The following IQSEC1 variants were observed in gnomAD, a reference collection of about 807,000 sequenced individuals.
IQSEC1 encodes IQ motif and Sec7 domain ArfGEF 1.
Under a neutral mutation model 91.0 loss-of-function variants are expected in IQSEC1, and 31 were observed. The observed-to-expected ratio is 0.34, with a 90% CI of 0.26 to 0.46. The LOEUF (loss-of-function observed/expected upper bound fraction) is 0.46. Ranked by LOEUF, IQSEC1 falls within the 20% of genes least tolerant of loss-of-function variation. The probability of loss-of-function intolerance (pLI) is 1.00; values close to 1 mark genes in which losing one functional copy is unlikely to be tolerated. For synonymous variants in IQSEC1, 699 were observed against 662.6 expected (o/e 1.05, Z -0.84); for missense variants, 1,388 against 1,575.6 (o/e 0.88, Z 2.02).
intron 3 of IQSEC1, among the ~76,000 whole-genome samples, chr3:12,927,450 T>G (rs1233926225): frequency 9.2e-5 from 14 of 152,082 alleles, no homozygotes; most frequent in Admixed American, 9.2e-4. Flanking sequence ...CCCACATAGG[T>G]GCATGCTCTA....
At chr3:13,164,019 A>G (rs1693414542) in intron 2 of IQSEC1, among the ~76,000 whole-genome samples, 2 of 152,196 alleles carry the variant, frequency 1.3e-5, no homozygotes, top group Admixed American at 1.3e-4. Flanking sequence ...GGAGACCCGC[A>G]GGGAGAAATC....
chr3:12,941,801 G>T lies in IQSEC1; in HGVS notation c.88C>A (p.Gln30Lys). The part of the protein sequence containing the change: ...TSLDSPSAYP[Q>K]GPLVPGSSLS... ...CTGGAACCGGGCACCAAGGGGCCCT[G>T]GGGGTAGGCTGAGGGGCTGTCCAGG... Residue 30 changes from glutamine to lysine, a missense_variant, in exon 2 of 14, where the codon CAG becomes AAG. By Grantham distance (53) the Gln-to-Lys change is moderately conservative. This residue lies in a region of IQSEC1 where 1,059 missense variants were observed against 1,317.8 expected (regional missense o/e 0.80). Transcript: ENST00000613206. 1 of 1,610,886 alleles carries T rather than the reference G, an allele frequency of 6.2e-7. No homozygotes were observed.
upstream of IQSEC1, among the ~76,000 whole-genome samples, chr3:13,077,034 T>C (rs1173296211): frequency 2.0e-5 from 3 of 149,634 alleles, no homozygotes; most frequent in Non-Finnish European, 3.0e-5. Flanking sequence ...TTCTTTCTTT[T>C]TTTTTTTTTT....
intron 1 of IQSEC1, among the ~76,000 whole-genome samples, chr3:13,029,787 C>A (rs1703773714): frequency 6.6e-6 from 1 of 152,260 alleles, no homozygotes; most frequent in African/African-American, 2.4e-5. Flanking sequence ...CTGGTAAGGA[C>A]TGCAGCACCC....
rs576095157 is a variant in IQSEC1 at position 13,240,442 on chromosome 3, G to A, written c.272+42269C>T. On this transcript the variant is annotated intron_variant, in intron 1 of 15. Transcript: ENST00000648114. ...TGAGGCTCCCCAGGGCTAGGTGGAG[G>A]GCAGGGGAACAGACCAAGCCAACAC... Among the ~76,000 whole-genome samples the A allele has an allele frequency of 7.9e-5, 12 of 152,236 alleles. No individual in the cohort carries two copies. In the South Asian group the frequency reaches 2.5e-3, roughly 32 times the overall value.
At chr3:12,947,473 C>A (rs1339860083) in intron 1 of IQSEC1, among the ~76,000 whole-genome samples, 1 of 151,974 alleles carries the variant, frequency 6.6e-6, no homozygotes, top group African/African-American at 2.4e-5. Context: ...CTCTTCCCCA[C>A]CCCGGGGATC....
At chr3:12,962,005 A>T (rs1700267479) in intron 1 of IQSEC1, among the ~76,000 whole-genome samples, 1 of 152,222 alleles carries the variant, frequency 6.6e-6, no homozygotes, top group Admixed American at 6.5e-5. Flanking sequence ...TGCATCTGCA[A>T]ATGACTACAA....
chr3:13,197,943 G>C (rs867010703), intron 1 of IQSEC1, among the ~76,000 whole-genome samples: 6 of 152,240 alleles, frequency 3.9e-5, no homozygotes, highest in African/African-American at 1.4e-4. Flanking sequence ...CGTGGTGCCC[G>C]CGGCTTGGAT....
chr3:12,913,600 A>C (rs781110678), intron 8 of IQSEC1, 47 bp from the exon 9 acceptor site: 1 of 1,574,838 alleles, frequency 6.3e-7, no homozygotes, highest in South Asian at 1.1e-5. Flanking sequence ...GCTCTCCTCT[A>C]GGAGCCCTGG....
chr3:12,921,037 T>A (rs1044312935), intron 5 of IQSEC1, among the ~76,000 whole-genome samples: 6 of 152,104 alleles, frequency 3.9e-5, no homozygotes, highest in African/African-American at 1.4e-4. Context: ...GGAGAAGCAC[T>A]CTGCCTTGTC....
Position 13,170,197 on chromosome 3 carries a change from T to C in IQSEC1, c.273-6064A>G, listed in dbSNP as rs566715577. On this transcript the variant is annotated intron_variant, in intron 1 of 15. Transcript: ENST00000648114. ...GAAAGGAGCCAATGTAGAGCTCAGG[T>C]TGTGGCTTCAGAGGGTGCAAGCCCC... Among the ~76,000 whole-genome samples, 45 of 152,268 alleles carry C rather than the reference T, an allele frequency of 3.0e-4. No homozygotes were observed. In the South Asian group the frequency reaches 8.9e-3, roughly 30 times the overall value.
intron 1 of IQSEC1, among the ~76,000 whole-genome samples, chr3:13,063,365 T>G (rs1705131911): frequency 6.6e-6 from 1 of 152,264 alleles, no homozygotes; most frequent in Non-Finnish European, 1.5e-5. Flanking sequence ...GACTGGTCCA[T>G]TTTTGTCTTC....
intron 1 of IQSEC1, among the ~76,000 whole-genome samples, chr3:13,230,666 T>A (rs1267006414): frequency 6.6e-6 from 1 of 152,236 alleles, no homozygotes; most frequent in African/African-American, 2.4e-5. Context: ...ATGCTCAGGA[T>A]CTTGATCCCA....
chr3:13,096,415 T>C (rs879617517), intron 2 of IQSEC1, among the ~76,000 whole-genome samples: 2 of 152,172 alleles, frequency 1.3e-5, no homozygotes, highest in Non-Finnish European at 2.9e-5. Flanking sequence ...ATTTACTCTG[T>C]CACCATACAC....
chr3:13,252,600 A>AT (rs1695213241), intron 1 of IQSEC1, among the ~76,000 whole-genome samples: 1 of 152,130 alleles, frequency 6.6e-6, no homozygotes, highest in Admixed American at 6.5e-5. Context: ...TCTATGTTTA[A>AT]TTTTTTGAGG....
chr3:13,025,308 C>T (rs1576183329), intron 1 of IQSEC1, among the ~76,000 whole-genome samples: 1 of 152,266 alleles, frequency 6.6e-6, no homozygotes, highest in Admixed American at 6.5e-5. Flanking sequence ...AGTCCAGTGA[C>T]TCACACAGCC....
intron 1 of IQSEC1, among the ~76,000 whole-genome samples, chr3:12,955,723 G>A (rs975642045): frequency 2.0e-5 from 3 of 152,208 alleles, no homozygotes; most frequent in Non-Finnish European, 4.4e-5. Context: ...TTATTCTCCC[G>A]AGCGCCACCG....
chr3:12,922,332 G>C lies in IQSEC1; in HGVS notation c.1731-90C>G, dbSNP rs1387760922. ...CCAGGTGGTGGTGCCTGAAGCCCTG[G>C]GAATGGACCGCCTCCTGGCAGGGAG... On this transcript the variant is annotated intron_variant, in intron 4 of 13. Coordinates refer to ENST00000613206, the MANE Select transcript of IQSEC1 (RefSeq NM_001134382.3). This position sits in a 1 kb window ranked among gnomAD's most constrained non-coding sequence, Gnocchi z 5.1. 1.4e-6 allele frequency: 2 copies of C among 1,413,696 alleles called. No homozygotes were observed. The highest frequency in any genetic ancestry group is 2.5e-5 in the Admixed American group (1 of 40,452). The allele number at this position is 1,413,696 out of a possible 1,614,324, so 87.6% of individuals were successfully genotyped here. A position where few individuals can be genotyped will look rare whatever the true frequency, so the allele number is the denominator to read the frequency against.
intron 2 of IQSEC1, among the ~76,000 whole-genome samples, chr3:13,114,207 T>G (rs1297478012): frequency 1.3e-5 from 2 of 152,164 alleles, no homozygotes; most frequent in Non-Finnish European, 2.9e-5. Flanking sequence ...TGCTGCTGAT[T>G]ACACCTGCAG....
Sources: gnomAD v4.1 joint callset for allele counts (sites outside exome capture counted in the v4.1 genomes callset) on GRCh38, gnomAD v4.1.1 for gene constraint, gnomAD v4.1.1 regional missense constraint, Gnocchi (gnomAD v3.1) non-coding constraint, MANE v1.5 for transcripts, NCBI Gene and HGNC (gene_info 2026-07-23, HGNC 2026-07-21) for gene names.